Variants in MDGA2 observed in about 807,000 individuals in gnomAD.
MDGA2 encodes the protein MAM domain-containing glycosylphosphatidylinositol anchor protein 2.
Under a neutral mutation model 117.8 loss-of-function variants are expected in MDGA2, and 40 were observed. The ratio of observed to expected loss-of-function variants is 0.34; its 90% CI spans 0.26 to 0.44. MDGA2 has a LOEUF of 0.44. Among genes scored for constraint, MDGA2 ranks in the 20% least tolerant of loss-of-function variants. MDGA2 has a pLI of 1.00. For missense variants in MDGA2, 1,123 were observed against 1,250.6 expected, an observed-to-expected ratio of 0.90 and a Z score of 1.54; for synonymous variants, 452 against 439.0, an observed-to-expected ratio of 1.03 and a Z score of -0.37.
At chr14:47,425,743 G>T (rs1184461223) in intron 1 of MDGA2, among the ~76,000 whole-genome samples, 1 of 152,004 alleles carries the variant, frequency 6.6e-6, no homozygotes, top group Non-Finnish European at 1.5e-5. Context: ...ATATATATGT[G>T]TGTATATTTT....
intron 1 of MDGA2, among the ~76,000 whole-genome samples, chr14:47,547,858 GGTT>G (rs879626073): frequency 7.2e-5 from 11 of 152,008 alleles, no homozygotes; most frequent in East Asian, 1.9e-4. Flanking sequence ...GTTTAGATGT[GGTT>G]GTTATTATTA....
At chr14:47,469,886 G>T (rs951378050) in intron 1 of MDGA2, among the ~76,000 whole-genome samples, 2 of 152,116 alleles carry the variant, frequency 1.3e-5, no homozygotes, top group Non-Finnish European at 2.9e-5. Context: ...TAGAAGGGCA[G>T]CCTGAAAGCT....
intron 8 of MDGA2, among the ~76,000 whole-genome samples, chr14:46,963,037 T>C (rs1031113105): frequency 1.3e-5 from 2 of 152,150 alleles, no homozygotes; most frequent in African/African-American, 2.4e-5. Context: ...ATATATTTTT[T>C]CTTTGACAAG....
intron 1 of MDGA2, among the ~76,000 whole-genome samples, chr14:47,647,503 G>T (rs1897556919): frequency 6.6e-6 from 1 of 151,952 alleles, no homozygotes; most frequent in African/African-American, 2.4e-5. Context: ...AATGTCATAA[G>T]ATTTTTCATC....
At chr14:47,113,035 T>C (rs1339927869) in intron 5 of MDGA2, among the ~76,000 whole-genome samples, 2 of 152,176 alleles carry the variant, frequency 1.3e-5, no homozygotes, top group Admixed American at 6.6e-5. Flanking sequence ...CCTGCTTAAG[T>C]ATCTTCTTTT....
At chr14:46,885,748 CA>C (rs55937034) in intron 10 of MDGA2, among the ~76,000 whole-genome samples, 25,422 of 152,110 alleles carry the variant, frequency 0.17, 2,979 homozygotes, top group Non-Finnish European at 0.25. Flanking sequence ...CATGACTCAG[CA>C]TAAATCCCAA....
intron 8 of MDGA2, among the ~76,000 whole-genome samples, chr14:47,017,897 TTTTTA>T (rs1334069612): frequency 6.6e-6 from 1 of 152,118 alleles, no homozygotes; most frequent in Non-Finnish European, 1.5e-5. Flanking sequence ...TGCTTAGATA[TTTTTA>T]TTTTATCACT....
intron 1 of MDGA2, among the ~76,000 whole-genome samples, chr14:47,388,528 G>T (rs1891811328): frequency 6.6e-6 from 1 of 152,094 alleles, no homozygotes; most frequent in African/African-American, 2.4e-5. Flanking sequence ...GTGATTATCA[G>T]TTCATCTATC....
chr14:47,316,747 A>G (rs1326099157), intron 1 of MDGA2, among the ~76,000 whole-genome samples: 1 of 152,064 alleles, frequency 6.6e-6, no homozygotes, highest in Admixed American at 6.6e-5. Context: ...TCTCAAAAGG[A>G]GCCAAATATT....
chr14:47,374,845 G>A lies in MDGA2; in HGVS notation c.281-73295C>T, dbSNP rs527350346. On this transcript the variant is annotated intron_variant, in intron 1 of 16. Transcript: ENST00000399232. ...TTATAACCAAACTAACTTATTAGAT[G>A]TTAAGAGAGTTTAAATATAAAACTC... Among the ~76,000 whole-genome samples, 7 of 152,058 alleles carry A rather than the reference G, an allele frequency of 4.6e-5. No individual in the cohort carries two copies. In the East Asian group the frequency reaches 1.4e-3, roughly 29 times the overall value.
intron 1 of MDGA2, among the ~76,000 whole-genome samples, chr14:47,400,061 A>C (rs1034075160): frequency 1.3e-5 from 2 of 152,200 alleles, no homozygotes; most frequent in African/African-American, 4.8e-5. Flanking sequence ...TGGTAAAAAT[A>C]ACCTTGTTGA....
chr14:46,941,245 A>G (rs1884989667), intron 9 of MDGA2, among the ~76,000 whole-genome samples: 2 of 152,186 alleles, frequency 1.3e-5, no homozygotes, highest in African/African-American at 4.8e-5. Context: ...TAGAATGATA[A>G]GAGAAGGAGA....
intron 1 of MDGA2, among the ~76,000 whole-genome samples, chr14:47,314,416 C>T (rs566302370): frequency 5.3e-5 from 8 of 152,100 alleles, no homozygotes; most frequent in East Asian, 1.9e-4. Context: ...CAGTGGCTCA[C>T]GCCTGTAATC....
chr14:47,233,547 A>G (rs980817849), intron 2 of MDGA2, among the ~76,000 whole-genome samples: 1 of 152,096 alleles, frequency 6.6e-6, no homozygotes, highest in East Asian at 1.9e-4. Context: ...ATTGCTTTGA[A>G]TACTCTTCAT....
At chr14:46,908,978 C>A (rs2138474051) in intron 10 of MDGA2, among the ~76,000 whole-genome samples, 1 of 152,242 alleles carries the variant, frequency 6.6e-6, no homozygotes, top group African/African-American at 2.4e-5. Context: ...ATTTGGCATA[C>A]AGAATGAATT....
intron 8 of MDGA2, among the ~76,000 whole-genome samples, chr14:47,000,057 T>G (rs943631150): frequency 1.3e-5 from 2 of 151,776 alleles, no homozygotes; most frequent in African/African-American, 4.8e-5. Context: ...CAACTTTTAG[T>G]TATCTTGCCT....
chr14:46,918,915 A>C (rs1000887407), intron 10 of MDGA2, among the ~76,000 whole-genome samples: 51 of 151,740 alleles, frequency 3.4e-4, no homozygotes, highest in Middle Eastern at 3.2e-3. Flanking sequence ...GCGCCCGTCA[A>C]CATGCCCGGC....
At chr14:47,074,808 T>C (rs1310969186) in intron 6 of MDGA2, among the ~76,000 whole-genome samples, 1 of 152,158 alleles carries the variant, frequency 6.6e-6, no homozygotes, top group Non-Finnish European at 1.5e-5. Flanking sequence ...TGCTTTTACA[T>C]CCATAGTCTG....
chr14:46,972,984 A>G (rs1378964252), intron 8 of MDGA2, among the ~76,000 whole-genome samples: 1 of 152,126 alleles, frequency 6.6e-6, no homozygotes, highest in Non-Finnish European at 1.5e-5. Context: ...ACACCTCACC[A>G]AAGAAGACAG....
Sources: gnomAD v4.1 joint callset for allele counts (sites outside exome capture counted in the v4.1 genomes callset) on GRCh38, gnomAD v4.1.1 for gene constraint, MANE v1.5 for transcripts, NCBI Gene and HGNC (gene_info 2026-07-23, HGNC 2026-07-21) for gene names.